Variants in ITGB4 observed in about 807,000 individuals in gnomAD.
ITGB4 encodes integrin beta-4.
In ITGB4, 159 loss-of-function variants were observed where a neutral mutation model predicts 207.6. The observed-to-expected ratio is 0.77, with a 90% confidence interval of 0.67 to 0.87. ITGB4 has a LOEUF of 0.87. Among genes scored for constraint, ITGB4 ranks in the 40% least tolerant of loss-of-function variants. ITGB4 has a pLI of 0.00. For missense variants in ITGB4, 2,278 were observed against 2,546.8 expected, an observed-to-expected ratio of 0.89 and a Z score of 2.27; for synonymous variants, 1,020 against 1,062.7, an observed-to-expected ratio of 0.96 and a Z score of 0.78.
chr17:75,735,750 T>C (rs756499398), intron 13 of ITGB4, among the ~76,000 whole-genome samples: 2 of 152,218 alleles, frequency 1.3e-5, no homozygotes, highest in Non-Finnish European at 2.9e-5. Flanking sequence ...CTTATTTCTT[T>C]TTCTGACCTT....
rs1164641382 is a variant in ITGB4 at position 75,754,971 on chromosome 17, CAT to C, written c.4558+157_4558+158del. 5.9e-6 allele frequency: 9 copies of C among 1,534,104 alleles called. No homozygotes were observed. The East Asian group carries it at 6.9e-5, about 12-fold the overall frequency. ...GCACACACGTGCACACGCATGCACA[CAT>C]GTACACAGACATGCATGCGCACACG... On this transcript the variant is annotated intron_variant, in intron 34 of 39. Coordinates refer to ENST00000200181, the MANE Select transcript of ITGB4 (RefSeq NM_000213.5).
At position 75,740,237 on chromosome 17, in the gene ITGB4, C is replaced by T. The variant is rs1019348768; in HGVS notation, c.2447-121C>T. 1.8e-5 allele frequency: 22 copies of T among 1,220,706 alleles called. No individual in the cohort carries two copies. The highest frequency in any genetic ancestry group is 8.9e-5 in the African/African-American group (6 of 67,496). The allele number at this position is 1,220,706 out of a possible 1,614,324, so 75.6% of individuals were successfully genotyped here. On this transcript the variant is annotated intron_variant, in intron 20 of 39. Coordinates refer to ENST00000200181, the MANE Select transcript of ITGB4 (RefSeq NM_000213.5). This position sits in a 1 kb window ranked among gnomAD's most constrained non-coding sequence, Gnocchi z 5.9. Reference sequence around the variant, plus strand: ...GCTATGAACCTCATGCCTCGGTGTGCGTGGCCTGCTGGCCAGGCATCCCCT... The same window carrying T: ...GCTATGAACCTCATGCCTCGGTGTGTGTGGCCTGCTGGCCAGGCATCCCCT...
chr17:75,742,457 C>T lies in ITGB4; in HGVS notation c.2750C>T (p.Ala917Val). The part of the protein sequence containing the change: ...EQRAFHDLKV[A>V]PGYYTLTADQ... ...AGGGCCTTCCACGACCTCAAGGTGG[C>T]CCCCGGCTACTACACCCTCACTGCA... The change falls in exon 24 of 40, where the codon GCC (alanine) becomes GTC (valine). Residue 917 changes from alanine (A) to valine (V), a missense_variant. Physicochemically the swap from Ala to Val is moderately conservative, Grantham distance 64 (BLOSUM62 0). Transcript: ENST00000200181. The surrounding 1 kb of genome is among the most constrained non-coding windows in gnomAD (Gnocchi z 5.9). 6.2e-7 allele frequency: 1 copy of T among 1,612,972 alleles called. No individual in the cohort carries two copies. Among genetic ancestry groups the T allele is most frequent in the Non-Finnish European group, 8.5e-7 (1 of 1,179,732 alleles).
Position 75,739,672 on chromosome 17 carries a change from G to A in ITGB4, c.2221G>A (p.Ala741Thr), listed in dbSNP as rs752272076. Residue 741 changes from alanine to threonine, a missense_variant and splice_region_variant, in exon 19 of 40, where the codon GCC becomes ACC. Coordinates refer to ENST00000200181, the MANE Select transcript of ITGB4 (RefSeq NM_000213.5). This position sits in a 1 kb window ranked among gnomAD's most constrained non-coding sequence, Gnocchi z 5.4. ...CACCCTCACCCACCTTGTCTCCTAGGCCTGCCTGGCACTTCTCCCGTGCTG... is the reference window on the plus strand; with the variant it reads ...CACCCTCACCCACCTTGTCTCCTAGACCTGCCTGGCACTTCTCCCGTGCTG... ...LCWKYCACCK[A>T]CLALLPCCNR... 3 of 1,613,984 alleles carry A rather than the reference G, an allele frequency of 1.9e-6. No homozygotes were observed. The highest frequency in any genetic ancestry group is 2.5e-6 in the Non-Finnish European group (3 of 1,180,032).
chr17:75,741,050 G>A (rs748350244), intron 23 of ITGB4, 45 bp downstream of exon 23: 15 of 1,600,702 alleles, frequency 9.4e-6, no homozygotes, highest in East Asian at 2.3e-5. Flanking sequence ...CTTCCTGCCC[G>A]CCTGTCCCCA....
chr17:75,741,858 A>G (rs2061118853), intron 23 of ITGB4, among the ~76,000 whole-genome samples: 2 of 151,578 alleles, frequency 1.3e-5, no homozygotes, highest in African/African-American at 4.8e-5. Context: ...GCTACGGGCC[A>G]AGCATTGTCC....
intron 27 of ITGB4, 136 bp downstream of exon 27, chr17:75,749,181 C>A (rs2603495): frequency 1.3e-6 from 1 of 753,992 alleles, no homozygotes; most frequent in South Asian, 1.5e-5. Flanking sequence ...ACAACATACA[C>A]GTTGGTAGGA....
chr17:75,757,719 C>A lies in ITGB4; in HGVS notation c.*164C>A, dbSNP rs757395224. On this transcript the variant is annotated 3_prime_UTR_variant, in exon 40 of 40. Transcript: ENST00000200181. ...TGGGAGGCATGAAGGGGGCAAGGTC[C>A]GTCCTCTGTGGGCCCAAACCTATTT... 1 of 953,080 alleles carries A rather than the reference C, an allele frequency of 1.0e-6. No individual in the cohort carries two copies. Among genetic ancestry groups the A allele is most frequent in the Non-Finnish European group, 1.6e-6 (1 of 617,240 alleles). 59.0% of individuals were successfully genotyped at this position (953,080 alleles called of 1,614,324 possible). A position where few individuals can be genotyped will look rare whatever the true frequency, so the allele number is the denominator to read the frequency against.
intron 1 of ITGB4, among the ~76,000 whole-genome samples, chr17:75,723,015 C>T (rs1007022950): frequency 6.6e-6 from 1 of 152,144 alleles, no homozygotes; most frequent in Non-Finnish European, 1.5e-5. Flanking sequence ...CTAACATTGG[C>T]TCCTACTTTT....
At chr17:75,725,157 A>C (rs1763754043) in intron 2 of ITGB4, among the ~76,000 whole-genome samples, 1 of 152,220 alleles carries the variant, frequency 6.6e-6, no homozygotes, top group African/African-American at 2.4e-5. Context: ...CTAGTGGACA[A>C]ATCACTGGAG....
At chr17:75,734,366 C>T (rs1488026173) in intron 13 of ITGB4, among the ~76,000 whole-genome samples, 1 of 151,918 alleles carries the variant, frequency 6.6e-6, no homozygotes, top group East Asian at 1.9e-4. Context: ...GAACTCCTGA[C>T]CTCAGGTGAT....
At chr17:75,735,300 C>T (rs976049757) in intron 13 of ITGB4, among the ~76,000 whole-genome samples, 1 of 151,950 alleles carries the variant, frequency 6.6e-6, no homozygotes, top group Non-Finnish European at 1.5e-5. Flanking sequence ...GTTGGCCAGG[C>T]TGGTCTTGAA....
At position 75,753,966 on chromosome 17, in the gene ITGB4, C is replaced by A; in HGVS notation, c.4310C>A (p.Pro1437His). The change falls in exon 33 of 40, where the codon CCC (proline) becomes CAC (histidine). Residue 1437 changes from proline (P) to histidine (H), a missense_variant. Coordinates refer to ENST00000200181, the MANE Select transcript of ITGB4 (RefSeq NM_000213.5). ...CTGCCCCGCAGTGCGACACCCGGGC[C>A]CCCCGGAGGTGACAGGCTCACCCGC... The part of the protein sequence containing the change: ...GSLPRSATPG[P>H]PGEHLVNGRM... 8.0e-7 allele frequency: 1 copy of A among 1,257,068 alleles called. No individual in the cohort carries two copies. Among genetic ancestry groups the A allele is most frequent in the Non-Finnish European group, 1.0e-6 (1 of 1,003,834 alleles). 77.9% of individuals were successfully genotyped at this position (1,257,068 alleles called of 1,614,324 possible). A position where few individuals can be genotyped will look rare whatever the true frequency, so the allele number is the denominator to read the frequency against.
Position 75,748,994 on chromosome 17 carries a change from G to C in ITGB4, c.3265G>C (p.Gly1089Arg), listed in dbSNP as rs552482009. The C allele has an allele frequency of 3.3e-5, 53 of 1,613,150 alleles. No homozygotes were observed. The African/African-American group carries it at 6.7e-4, about 20-fold the overall frequency. The change falls in exon 27 of 40, where the codon GGG becomes CGG. Residue 1089 changes from glycine (G) to arginine (R), a missense_variant. Gly to Arg is a moderately radical substitution (Grantham distance 125). Transcript: ENST00000200181. ...FHVQLSNPKF[G>R]AHLGQPHSTT... ...CGTCCAGCTCAGCAACCCTAAGTTT[G>C]GGGCCCACCTGGGCCAGCCCCACTC...
Position 75,727,239 on chromosome 17 carries a change from G to C in ITGB4, c.124G>C (p.Val42Leu). 6.2e-7 allele frequency: 1 copy of C among 1,614,092 alleles called. No individual in the cohort carries two copies. The highest frequency in any genetic ancestry group is 8.5e-7 in the Non-Finnish European group (1 of 1,180,002). ...KAPVKSCTEC[V>L]RVDKDCAYCT... ...CCCAGTGAAGAGCTGCACGGAGTGT[G>C]TCCGTGTGGATAAGGACTGCGCCTA... Residue 42 changes from valine (V) to leucine (L), a missense_variant, in exon 3 of 40, where the codon GTC becomes CTC. Coordinates refer to ENST00000200181, the MANE Select transcript of ITGB4 (RefSeq NM_000213.5). This position sits in a 1 kb window ranked among gnomAD's most constrained non-coding sequence, Gnocchi z 6.0.
At position 75,742,463 on chromosome 17, in the gene ITGB4, GCTA is replaced by G. The variant is rs776171019; in HGVS notation, c.2761_2763del (p.Tyr921del). 1.9e-6 allele frequency: 3 copies of G among 1,613,126 alleles called. No homozygotes were observed. The highest frequency in any genetic ancestry group is 2.5e-6 in the Non-Finnish European group (3 of 1,179,788). On this transcript the variant is annotated inframe_deletion, in exon 24 of 40. Coordinates refer to ENST00000200181, the MANE Select transcript of ITGB4 (RefSeq NM_000213.5). The surrounding 1 kb of genome is among the most constrained non-coding windows in gnomAD (Gnocchi z 5.9). ...TTCCACGACCTCAAGGTGGCCCCCG[GCTA>G]CTACACCCTCACTGCAGACCAGGGT... is the stretch of plus-strand genomic sequence containing the variant.
At chr17:75,744,468 T>C (rs767542068) in intron 26 of ITGB4, among the ~76,000 whole-genome samples, 160 of 152,126 alleles carry the variant, frequency 1.1e-3, no homozygotes, top group Non-Finnish European at 1.8e-3. Flanking sequence ...CCCAGACCAT[T>C]CCTGTCCCCT....
chr17:75,757,516 C>G lies in ITGB4; in HGVS notation c.5430C>G (p.Thr1810=), dbSNP rs1325482272. Reference sequence around the variant, plus strand: ...GCCGGACACTGACCACCAGCGGAACCCTTAGCACCCACATGGACCAACAGT... The same window carrying G: ...GCCGGACACTGACCACCAGCGGAACGCTTAGCACCCACATGGACCAACAGT... The part of the protein sequence containing the change: ...FVSRTLTTSG[T]LSTHMDQQFF... Residue 1810 remains threonine, a synonymous_variant, in exon 40 of 40, where the codon ACC becomes ACG. Transcript: ENST00000200181. 6.2e-7 allele frequency: 1 copy of G among 1,613,444 alleles called. No homozygotes were observed. The highest frequency in any genetic ancestry group is 8.5e-7 in the Non-Finnish European group (1 of 1,180,006).
Position 75,742,941 on chromosome 17 carries a change from A to G in ITGB4, c.2962+180A>G, listed in dbSNP as rs1474837512. 2.6e-5 allele frequency among the ~76,000 whole-genome samples: 4 copies of G among 152,048 alleles called. No individual in the cohort carries two copies. Among genetic ancestry groups the G allele is most frequent in the Non-Finnish European group, 5.9e-5 (4 of 68,002 alleles). Reference sequence around the variant, plus strand: ...TCTTTTACGGAATGCGTGGCTGTTCACCTCGCCACAGTGCCTGCCTGGTGG... The same window carrying G: ...TCTTTTACGGAATGCGTGGCTGTTCGCCTCGCCACAGTGCCTGCCTGGTGG... On this transcript the variant is annotated intron_variant, in intron 25 of 39. Coordinates refer to ENST00000200181, the MANE Select transcript of ITGB4 (RefSeq NM_000213.5). This position sits in a 1 kb window ranked among gnomAD's most constrained non-coding sequence, Gnocchi z 5.9.
Sources: gnomAD v4.1 joint callset for allele counts (sites outside exome capture counted in the v4.1 genomes callset) on GRCh38, gnomAD v4.1.1 for gene constraint, Gnocchi (gnomAD v3.1) non-coding constraint, MANE v1.5 for transcripts, NCBI Gene and HGNC (gene_info 2026-07-23, HGNC 2026-07-21) for gene names.